C8orf33: variants seen among roughly 807,000 people sequenced by gnomAD.
C8orf33 encodes chromosome 8 open reading frame 33.
A neutral mutation model predicts 25.7 loss-of-function variants in C8orf33; 28 were observed. The ratio of observed to expected loss-of-function variants is 1.09; its 90% confidence interval spans 0.81 to 1.49. The LOEUF is 1.49. Among genes scored for constraint, C8orf33 ranks in the 40% most tolerant of loss-of-function variants. The probability of loss-of-function intolerance (pLI) is 0.00; values close to 1 mark genes in which losing one functional copy is unlikely to be tolerated. For synonymous variants in C8orf33, 153 were observed against 115.9 expected (o/e 1.32, Z -2.06); for missense variants, 369 against 294.4 (o/e 1.25, Z -1.85).
rs149679143 is a variant in C8orf33 at position 145,054,708 on chromosome 8, C to T, written c.*551C>T. ...CTGGGTCCAGTCCCTCACCTGGTAC[C>T]TTTGTGCATGTTGCCTTCATTCCTG... is the stretch of plus-strand genomic sequence containing the variant. On this transcript the variant is annotated 3_prime_UTR_variant, in exon 5 of 5. Coordinates refer to ENST00000331434, the MANE Select transcript of C8orf33 (RefSeq NM_023080.3). The T allele has an allele frequency of 6.5e-6, 1 of 152,698 alleles. No homozygotes were observed. Among genetic ancestry groups the T allele is most frequent in the Non-Finnish European group, 1.5e-5 (1 of 68,522 alleles). 9.5% of individuals were successfully genotyped at this position (152,698 alleles called of 1,614,324 possible).
At position 145,054,301 on chromosome 8, in the gene C8orf33, T is replaced by A; in HGVS notation, c.*144T>A. 1 of 913,658 alleles carries A rather than the reference T, an allele frequency of 1.1e-6. No individual in the cohort carries two copies. Among genetic ancestry groups the A allele is most frequent in the Non-Finnish European group, 1.6e-6 (1 of 609,504 alleles). 56.6% of individuals were successfully genotyped at this position (913,658 alleles called of 1,614,324 possible). ...CTGGTCCAAGGATTTGTAGCTGTTG[T>A]GAAGGTGTGAGACCATCAGATAGGC... is the stretch of plus-strand genomic sequence containing the variant. On this transcript the variant is annotated 3_prime_UTR_variant, in exon 5 of 5. Transcript: ENST00000331434.
Position 145,052,587 on chromosome 8 carries a change from C to A in C8orf33, c.8C>A (p.Ala3Asp), listed in dbSNP as rs777694600. Residue 3 changes from alanine to aspartate, a missense_variant and splice_region_variant, in exon 2 of 5, where the codon GCC becomes GAC. Ala to Asp is a moderately radical substitution (Grantham distance 126, BLOSUM62 -2). Coordinates refer to ENST00000331434, the MANE Select transcript of C8orf33 (RefSeq NM_023080.3). The part of the protein sequence containing the change: MA[A>D]LGHLAGEAAA... ...CTCGTGCTACCCCCCTTTCTCCAGG[C>A]CCTGGGACATCTTGCTGGGGAGGCA... The A allele has an allele frequency of 1.2e-6, 2 of 1,604,880 alleles. No homozygotes were observed. The highest frequency in any genetic ancestry group is 1.7e-5 in the Admixed American group (1 of 59,958).
In C8orf33 at chr8:145,054,454, C is replaced by G. The variant is rs1835328718; in HGVS notation, c.*297C>G. The G allele has an allele frequency of 3.7e-6, 1 of 273,080 alleles. No individual in the cohort carries two copies. Among genetic ancestry groups the G allele is most frequent in the Admixed American group, 5.0e-5 (1 of 19,870 alleles). The allele number at this position is 273,080 out of a possible 1,614,324, so 16.9% of individuals were successfully genotyped here. On this transcript the variant is annotated 3_prime_UTR_variant, in exon 5 of 5. Transcript: ENST00000331434. ...TTGTAGAAGGAATATTGTACTCAGT[C>G]TTTAGGATTAGATTAAGTGGCTGTT...
rs113112308 is a variant in C8orf33, at chr8:145,052,771, C to G, written c.192C>G (p.Gly64=). The G allele has an allele frequency of 4.2e-3, 6,745 of 1,614,094 alleles. 237 individuals carry two copies. In the African/African-American group the frequency reaches 0.078, roughly 19 times the overall value. Residue 64 remains glycine (G), a synonymous_variant, in exon 2 of 5, where the codon GGC becomes GGG. Transcript: ENST00000331434. The part of the protein sequence containing the change: ...DSRAHPLGDE[G]GTASKKQKNK... ...GAGCGCACCCGTTGGGCGATGAAGG[C>G]GGCACAGCGTCGAAAAAACAAAAGA...
intron 2 of C8orf33, 70 bp downstream of exon 2, chr8:145,052,967 G>T: frequency 5.6e-6 from 9 of 1,602,412 alleles, no homozygotes; most frequent in Non-Finnish European, 7.7e-6. Flanking sequence ...GTGATCTGGG[G>T]TCCGCGGAGT....
chr8:145,054,085 G>T lies in C8orf33; in HGVS notation c.618G>T (p.Arg206Ser). The part of the protein sequence containing the change: ...ATRKKSQRVC[R>S]PRSIWRAKAT... Reference sequence around the variant, plus strand: ...GAAAGAAGAGCCAAAGGGTCTGCAGGCCTCGCTCTATATGGAGAGCCAAAG... The same window carrying T: ...GAAAGAAGAGCCAAAGGGTCTGCAGTCCTCGCTCTATATGGAGAGCCAAAG... Residue 206 changes from arginine to serine, a missense_variant, in exon 5 of 5, where the codon AGG becomes AGT. By Grantham distance (110) the Arg-to-Ser change is moderately radical. Coordinates refer to ENST00000331434, the MANE Select transcript of C8orf33 (RefSeq NM_023080.3). 6.2e-7 allele frequency: 1 copy of T among 1,614,166 alleles called. No individual in the cohort carries two copies. The highest frequency in any genetic ancestry group is 8.5e-7 in the Non-Finnish European group (1 of 1,180,024).
chr8:145,053,062 G>T lies in C8orf33; in HGVS notation c.319G>T (p.Ala107Ser). 6.2e-7 allele frequency: 1 copy of T among 1,614,148 alleles called. No individual in the cohort carries two copies. Among genetic ancestry groups the T allele is most frequent in the Non-Finnish European group, 8.5e-7 (1 of 1,180,020 alleles). Residue 107 changes from alanine (A) to serine (S), a missense_variant and splice_region_variant, in exon 3 of 5, where the codon GCA (alanine) becomes TCA (serine). Ala to Ser is a moderately conservative substitution (Grantham distance 99). Transcript: ENST00000331434. ...EEVPLSAEAQ[A>S]QQLAQELAWC... The stretch of plus-strand genomic sequence containing the variant: ...AGCCACTTCCCCAAATCCATCACAG[G>T]CACAACAGTTGGCCCAGGAATTGGC...
At position 145,053,071 on chromosome 8, in the gene C8orf33, T is replaced by C; in HGVS notation, c.328T>C (p.Leu110=). The C allele has an allele frequency of 6.2e-7, 1 of 1,614,172 alleles. No homozygotes were observed. Among genetic ancestry groups the C allele is most frequent in the Non-Finnish European group, 8.5e-7 (1 of 1,180,030 alleles). Reference sequence around the variant, plus strand: ...CCCAAATCCATCACAGGCACAACAGTTGGCCCAGGAATTGGCTTGGTGTGT... The same window carrying C: ...CCCAAATCCATCACAGGCACAACAGCTGGCCCAGGAATTGGCTTGGTGTGT... ...PLSAEAQAQQ[L]AQELAWCVEQ... Residue 110 remains leucine, a synonymous_variant, in exon 3 of 5, where the codon TTG becomes CTG. Coordinates refer to ENST00000331434, the MANE Select transcript of C8orf33 (RefSeq NM_023080.3).
At position 145,053,388 on chromosome 8, in the gene C8orf33, C is replaced by A; in HGVS notation, c.495C>A (p.Asp165Glu). ...KRQLMHSLFG[D>E]YRAQMEAEWR... ...AGCTGATGCACTCCTTGTTTGGAGA[C>A]TATAGGGCTCAGATGGAAGCCGAAT... The change falls in exon 4 of 5, where the codon GAC becomes GAA. Residue 165 changes from aspartate (D) to glutamate (E), a missense_variant. Coordinates refer to ENST00000331434, the MANE Select transcript of C8orf33 (RefSeq NM_023080.3). The A allele has an allele frequency of 1.9e-6, 3 of 1,614,244 alleles. No individual in the cohort carries two copies. The highest frequency in any genetic ancestry group is 2.5e-6 in the Non-Finnish European group (3 of 1,180,048).
In C8orf33 at chr8:145,054,224, G is replaced by C. The variant is rs776386116; in HGVS notation, c.*67G>C. The C allele has an allele frequency of 1.4e-5, 21 of 1,550,496 alleles. No homozygotes were observed. Among genetic ancestry groups the C allele is most frequent in the Non-Finnish European group, 1.6e-5 (18 of 1,141,958 alleles). ...TGTAGGGGTTTGTTTTGAGTGCAGA[G>C]CCTTTCCAGGACTTCTGTTGTCAGA... On this transcript the variant is annotated 3_prime_UTR_variant, in exon 5 of 5. Coordinates refer to ENST00000331434, the MANE Select transcript of C8orf33 (RefSeq NM_023080.3).
chr8:145,052,967 G>A, intron 2 of C8orf33, 70 bp downstream of exon 2: 2 of 1,602,410 alleles, frequency 1.2e-6, no homozygotes, highest in Non-Finnish European at 1.7e-6. Flanking sequence ...GTGATCTGGG[G>A]TCCGCGGAGT....
rs1275917176 is a variant in C8orf33, at chr8:145,054,147, ATTTCTT to A, written c.683_688del (p.Phe228_Phe229del). On this transcript the variant is annotated inframe_deletion, in exon 5 of 5. Coordinates refer to ENST00000331434, the MANE Select transcript of C8orf33 (RefSeq NM_023080.3). ...ATGCCTGATGAAGAGTTTAGGTTCA[ATTTCTT>A]TTAGCGTCTCCCCGAACCTGAAACA... 5.6e-6 allele frequency: 9 copies of A among 1,613,848 alleles called. No homozygotes were observed. The highest frequency in any genetic ancestry group is 7.6e-6 in the Non-Finnish European group (9 of 1,179,970).
chr8:145,053,217 T>A, intron 3 of C8orf33, 71 bp downstream of exon 3: 4 of 1,612,114 alleles, frequency 2.5e-6, no homozygotes, highest in Non-Finnish European at 3.4e-6. Context: ...GCTGGCAGAG[T>A]ATGGAGTTGT....
Position 145,054,191 on chromosome 8 carries a change from T to G in C8orf33, c.*34T>G. ...CGAACCTGAAACAATCCCCCTCCCT[T>G]GGGGTGGTGTAGGGGTTTGTTTTGA... On this transcript the variant is annotated 3_prime_UTR_variant, in exon 5 of 5. Transcript: ENST00000331434. The G allele has an allele frequency of 1.2e-6, 2 of 1,610,620 alleles. No individual in the cohort carries two copies. Among genetic ancestry groups the G allele is most frequent in the Middle Eastern group, 1.8e-4 (1 of 5,600 alleles).
rs1835351212 is a variant in C8orf33 at position 145,055,631 on chromosome 8, C to T, written c.*1474C>T. 1 of 153,968 alleles carries T rather than the reference C, an allele frequency of 6.5e-6. No individual in the cohort carries two copies. Among genetic ancestry groups the T allele is most frequent in the Non-Finnish European group, 1.4e-5 (1 of 69,320 alleles). The allele number at this position is 153,968 out of a possible 1,614,324, so 9.5% of individuals were successfully genotyped here. The stretch of plus-strand genomic sequence containing the variant: ...GAGGGCCTGACATCAGTCAGGCCCG[C>T]CCGCAGTTATCCAGAGGCCTGTCTC... On this transcript the variant is annotated 3_prime_UTR_variant, in exon 5 of 5. Transcript: ENST00000331434.
In C8orf33 at chr8:145,054,079, C is replaced by G. The variant is rs1305511860; in HGVS notation, c.612C>G (p.Val204=). ...DGATRKKSQR[V]CRPRSIWRAK... is the part of the protein sequence containing the mutation. Reference sequence around the variant, plus strand: ...CCACCAGAAAGAAGAGCCAAAGGGTCTGCAGGCCTCGCTCTATATGGAGAG... The same window carrying G: ...CCACCAGAAAGAAGAGCCAAAGGGTGTGCAGGCCTCGCTCTATATGGAGAG... The change falls in exon 5 of 5, where the codon GTC becomes GTG. Residue 204 remains valine (V), a synonymous_variant. Coordinates refer to ENST00000331434, the MANE Select transcript of C8orf33 (RefSeq NM_023080.3). 6.2e-7 allele frequency: 1 copy of G among 1,614,180 alleles called. No individual in the cohort carries two copies. Among genetic ancestry groups the G allele is most frequent in the Non-Finnish European group, 8.5e-7 (1 of 1,180,028 alleles).
chr8:145,053,303 AG>A lies in C8orf33; in HGVS notation c.412del (p.Ala138LeufsTer21). On this transcript the variant is annotated frameshift_variant, in exon 4 of 5. Coordinates refer to ENST00000331434, the MANE Select transcript of C8orf33 (RefSeq NM_023080.3). LOFTEE classifies it high-confidence loss of function. ...CCTTTATTTTTATTCGCAGAAGAGC[AG>A]GCTATTGGAGCAATCCGAACCCTGC... ...RQKPTPKQKE[Q>X]AIGAIRTLRS... The A allele has an allele frequency of 6.2e-7, 1 of 1,614,134 alleles. No homozygotes were observed.
chr8:145,053,576 C>T (rs1307311395), intron 4 of C8orf33, 133 bp downstream of exon 4: 2 of 868,120 alleles, frequency 2.3e-6, no homozygotes, highest in Non-Finnish European at 3.5e-6. Flanking sequence ...CCTGAGGGAG[C>T]AGGGAAACAG....
In C8orf33 at chr8:145,054,241, G is replaced by C. The variant is rs760741150; in HGVS notation, c.*84G>C. 3 of 1,490,838 alleles carry C rather than the reference G, an allele frequency of 2.0e-6. No homozygotes were observed. The highest frequency in any genetic ancestry group is 2.7e-6 in the Non-Finnish European group (3 of 1,097,346). The allele number at this position is 1,490,838 out of a possible 1,614,324, so 92.4% of individuals were successfully genotyped here. A position where few individuals can be genotyped will look rare whatever the true frequency, so the allele number is the denominator to read the frequency against. Reference sequence around the variant, plus strand: ...AGTGCAGAGCCTTTCCAGGACTTCTGTTGTCAGAGAACCCTGGAGTTGGTC... The same window carrying C: ...AGTGCAGAGCCTTTCCAGGACTTCTCTTGTCAGAGAACCCTGGAGTTGGTC... On this transcript the variant is annotated 3_prime_UTR_variant, in exon 5 of 5. Coordinates refer to ENST00000331434, the MANE Select transcript of C8orf33 (RefSeq NM_023080.3).
Sources: gnomAD v4.1 joint callset for allele counts on GRCh38, gnomAD v4.1.1 for gene constraint, MANE v1.5 for transcripts, NCBI Gene and HGNC (gene_info 2026-07-23, HGNC 2026-07-21) for gene names.